PKP4: variants seen among roughly 807,000 people sequenced by gnomAD.
The protein encoded by PKP4 is plakophilin 4, also known as plakophilin-4.
In PKP4, 90 loss-of-function variants were observed where a neutral mutation model predicts 145.1. That is an observed-to-expected ratio of 0.62 (90% confidence interval 0.52 to 0.74). The LOEUF is 0.74. Among genes scored for constraint, PKP4 ranks in the 30% least tolerant of loss-of-function variants. The pLI is 0.00. For missense variants in PKP4, 1,340 were observed against 1,482.7 expected, an observed-to-expected ratio of 0.90 and a Z score of 1.58; for synonymous variants, 563 against 577.2, an observed-to-expected ratio of 0.98 and a Z score of 0.35.
At chr2:158,669,455 G>C (rs1375604170) in intron 16 of PKP4, 3 of 286,598 alleles carry the variant, frequency 1.0e-5, no homozygotes, top group Non-Finnish European at 1.9e-5. Context: ...CCAATTTTAC[G>C]CATTGATTTA....
chr2:158,551,586 A>G (rs1014913743), intron 2 of PKP4, among the ~76,000 whole-genome samples: 1 of 152,228 alleles, frequency 6.6e-6, no homozygotes, highest in Non-Finnish European at 1.5e-5. Context: ...GTATTTTCCT[A>G]AAGAGTAATT....
chr2:158,658,169 A>T lies in PKP4; in HGVS notation c.1948A>T (p.Met650Leu), dbSNP rs1305960515. The T allele has an allele frequency of 1.2e-6, 2 of 1,607,860 alleles. No individual in the cohort carries two copies. Among genetic ancestry groups the T allele is most frequent in the African/African-American group, 2.7e-5 (2 of 74,806 alleles). The change falls in exon 12 of 22, where the codon ATG becomes TTG. Residue 650 changes from methionine to leucine, a missense_variant. Met to Leu is a conservative substitution (Grantham distance 15). Coordinates refer to ENST00000389759, the MANE Select transcript of PKP4 (RefSeq NM_003628.6). ...TTTATCCTCATGTGATGCTGTAAAA[A>T]TGACAATCATTCGAGATGCTCTCTC... ...WNLSSCDAVK[M>L]TIIRDALSTL...
At chr2:158,495,073 C>G (rs1270534200) in intron 1 of PKP4, among the ~76,000 whole-genome samples, 1 of 151,748 alleles carries the variant, frequency 6.6e-6, no homozygotes, top group Non-Finnish European at 1.5e-5. Flanking sequence ...AAAAAATTAG[C>G]CGGGCACGGT....
At chr2:158,573,371 A>T (rs1298673153) in intron 2 of PKP4, among the ~76,000 whole-genome samples, 3 of 152,234 alleles carry the variant, frequency 2.0e-5, no homozygotes, top group Non-Finnish European at 4.4e-5. Flanking sequence ...TGTGAATATT[A>T]AGCACCAAAT....
intron 1 of PKP4, among the ~76,000 whole-genome samples, chr2:158,491,069 A>T (rs576451596): frequency 6.6e-6 from 1 of 152,238 alleles, no homozygotes; most frequent in African/African-American, 2.4e-5. Flanking sequence ...AGTTTATTTT[A>T]AAGATATGTG....
chr2:158,536,428 G>T (rs920803431), intron 2 of PKP4, among the ~76,000 whole-genome samples: 4 of 152,194 alleles, frequency 2.6e-5, no homozygotes, highest in African/African-American at 9.7e-5. Context: ...GAGAGGAAAA[G>T]TCTGGGTTCT....
At chr2:158,473,516 A>G (rs1691940756) in intron 1 of PKP4, among the ~76,000 whole-genome samples, 1 of 152,214 alleles carries the variant, frequency 6.6e-6, no homozygotes, top group African/African-American at 2.4e-5. Flanking sequence ...AAGAACATGG[A>G]TGGAGCTGGA....
At chr2:158,582,772 A>G (rs570504772) in intron 3 of PKP4, among the ~76,000 whole-genome samples, 9 of 152,186 alleles carry the variant, frequency 5.9e-5, no homozygotes, top group Non-Finnish European at 1.0e-4. Context: ...TGGAATATAA[A>G]TGGATGGAAT....
intron 1 of PKP4, among the ~76,000 whole-genome samples, chr2:158,530,504 C>CTTTTTTTTTT (rs869120223): frequency 1.3e-3 from 117 of 92,098 alleles, no homozygotes; most frequent in African/African-American, 2.5e-3. Flanking sequence ...CTCTTTCTTT[C>CTTTTTTTTTT]TTTTTTTTTT....
At chr2:158,652,560 G>T (rs1411979908) in intron 11 of PKP4, among the ~76,000 whole-genome samples, 1 of 152,242 alleles carries the variant, frequency 6.6e-6, no homozygotes, top group Non-Finnish European at 1.5e-5. Context: ...ACTGTATAGG[G>T]AATGATAATG....
At chr2:158,603,717 C>T (rs1428313884) in intron 4 of PKP4, among the ~76,000 whole-genome samples, 1 of 152,162 alleles carries the variant, frequency 6.6e-6, no homozygotes, top group Non-Finnish European at 1.5e-5. Context: ...GGGTGCTGTG[C>T]ACATTGCTGG....
chr2:158,645,607 G>C (rs968895196), intron 11 of PKP4, among the ~76,000 whole-genome samples: 11 of 152,188 alleles, frequency 7.2e-5, no homozygotes, highest in African/African-American at 2.7e-4. Flanking sequence ...GCGATCCAGG[G>C]ACAAATGACA....
intron 2 of PKP4, among the ~76,000 whole-genome samples, chr2:158,575,901 A>G (rs1469838445): frequency 6.6e-6 from 1 of 152,186 alleles, no homozygotes; most frequent in Non-Finnish European, 1.5e-5. Context: ...ATGCTGAACA[A>G]TTTATGTCTA....
At chr2:158,549,963 G>T (rs2045447788) in intron 2 of PKP4, among the ~76,000 whole-genome samples, 1 of 152,074 alleles carries the variant, frequency 6.6e-6, no homozygotes. Flanking sequence ...CCTAATGTAA[G>T]TAATATTTTA....
intron 11 of PKP4, among the ~76,000 whole-genome samples, chr2:158,652,282 C>A (rs796121322): frequency 2.0e-5 from 3 of 152,256 alleles, no homozygotes; most frequent in African/African-American, 7.2e-5. Context: ...GGCTGATGGC[C>A]ACCGTATGGG....
At chr2:158,484,444 T>C (rs1693875439) in intron 1 of PKP4, among the ~76,000 whole-genome samples, 1 of 152,228 alleles carries the variant, frequency 6.6e-6, no homozygotes, top group Non-Finnish European at 1.5e-5. Flanking sequence ...GTTGCAAGTG[T>C]CCGTTGCTGT....
intron 3 of PKP4, among the ~76,000 whole-genome samples, chr2:158,596,637 AAAAG>A (rs2049774002): frequency 2.0e-5 from 3 of 150,200 alleles, no homozygotes; most frequent in South Asian, 4.2e-4. Flanking sequence ...TAAAAAAAAA[AAAAG>A]AAAAGAATAT....
chr2:158,665,354 G>A (rs1393855934), intron 15 of PKP4, among the ~76,000 whole-genome samples: 2 of 152,182 alleles, frequency 1.3e-5, no homozygotes, highest in South Asian at 2.1e-4. Flanking sequence ...TTGAAAAATA[G>A]GAGTATGCAT....
At chr2:158,519,537 A>G (rs975260950) in intron 1 of PKP4, among the ~76,000 whole-genome samples, 1 of 152,040 alleles carries the variant, frequency 6.6e-6, no homozygotes, top group Non-Finnish European at 1.5e-5. Context: ...TGAGAGCCTC[A>G]AGTCTGGGAT....
Sources: gnomAD v4.1 joint callset for allele counts (sites outside exome capture counted in the v4.1 genomes callset) on GRCh38, gnomAD v4.1.1 for gene constraint, MANE v1.5 for transcripts, NCBI Gene and HGNC (gene_info 2026-07-23, HGNC 2026-07-21) for gene names.